Variants in PICK1 observed in about 807,000 individuals in gnomAD.
PICK1 encodes the protein protein interacting with PRKCA 1, also known as PRKCA-binding protein.
Under a neutral mutation model 48.9 loss-of-function variants are expected in PICK1, and 23 were observed. The observed-to-expected ratio is 0.47, with a 90% CI of 0.34 to 0.67. The LOEUF is 0.67. Among genes scored for constraint, PICK1 ranks in the 30% least tolerant of loss-of-function variants. The probability of loss-of-function intolerance (pLI) is 0.01; values close to 1 mark genes in which losing one functional copy is unlikely to be tolerated. For synonymous variants in PICK1, 217 were observed against 228.2 expected, an observed-to-expected ratio of 0.95 and a Z score of 0.44; for missense variants, 423 against 557.1, an observed-to-expected ratio of 0.76 and a Z score of 2.42.
At chr22:38,060,639 C>T (rs1247998817) in intron 3 of PICK1, among the ~76,000 whole-genome samples, 1 of 152,196 alleles carries the variant, frequency 6.6e-6, no homozygotes, top group Non-Finnish European at 1.5e-5. Context: ...CAAGACCTCC[C>T]CCAGGCCTGG....
intron 2 of PICK1, among the ~76,000 whole-genome samples, chr22:38,058,807 C>G (rs1218010566): frequency 6.6e-6 from 1 of 152,070 alleles, no homozygotes; most frequent in Non-Finnish European, 1.5e-5. Flanking sequence ...GAGTTCAAGA[C>G]CAGCCTGGCC....
Position 38,075,140 on chromosome 22 carries a change from G to C in PICK1, c.*8G>C. 1 of 1,605,784 alleles carries C rather than the reference G, an allele frequency of 6.2e-7. No homozygotes were observed. Among genetic ancestry groups the C allele is most frequent in the Non-Finnish European group, 8.5e-7 (1 of 1,175,890 alleles). ...AGCTGGTGTGACTCCTGAGTGCCCC[G>C]CGGCTGTGGTGCCGGGGGCAGGGTG... On this transcript the variant is annotated 3_prime_UTR_variant, in exon 13 of 13. Coordinates refer to ENST00000356976, the MANE Select transcript of PICK1 (RefSeq NM_012407.4).
intron 2 of PICK1, among the ~76,000 whole-genome samples, chr22:38,058,808 C>T (rs757854732): frequency 1.3e-5 from 2 of 152,224 alleles, no homozygotes; most frequent in South Asian, 4.1e-4. Flanking sequence ...AGTTCAAGAC[C>T]AGCCTGGCCA....
chr22:38,057,728 A>G (rs1165615234), intron 1 of PICK1, 25 bp from the exon 2 acceptor site: 28 of 1,302,026 alleles, frequency 2.2e-5, no homozygotes, highest in Admixed American at 3.4e-5. Context: ...CTTAAATCCT[A>G]TGCTCCTTTC....
chr22:38,075,101 T>G lies in PICK1; in HGVS notation c.1217T>G (p.Leu406Trp). The G allele has an allele frequency of 6.2e-7, 1 of 1,612,062 alleles. No homozygotes were observed. Among genetic ancestry groups the G allele is most frequent in the Non-Finnish European group, 8.5e-7 (1 of 1,179,802 alleles). Residue 406 changes from leucine to tryptophan, a missense_variant, in exon 13 of 13, where the codon TTG becomes TGG. Leu to Trp is a moderately conservative substitution (Grantham distance 61, BLOSUM62 -2). This residue lies in a region of PICK1 where 144 missense variants were observed against 139.3 expected (regional missense o/e 1.03). Coordinates refer to ENST00000356976, the MANE Select transcript of PICK1 (RefSeq NM_012407.4). ...GATACACGAGGGGCTGCTGGGCCCTTGGACAAGGGTGGAAGCTGGTGTGAC... is the reference window on the plus strand; with the variant it reads ...GATACACGAGGGGCTGCTGGGCCCTGGGACAAGGGTGGAAGCTGGTGTGAC... ...SRDTRGAAGP[L>W]DKGGSWCDS is the part of the protein sequence containing the mutation.
intron 3 of PICK1, among the ~76,000 whole-genome samples, chr22:38,059,636 C>G: frequency 6.6e-6 from 1 of 152,196 alleles, no homozygotes; most frequent in East Asian, 1.9e-4. Flanking sequence ...GCAGTAAGCA[C>G]CAGGTACAGT....
chr22:38,061,210 G>A (rs61358878), intron 3 of PICK1, among the ~76,000 whole-genome samples: 10 of 151,956 alleles, frequency 6.6e-5, no homozygotes, highest in Admixed American at 1.3e-4. Flanking sequence ...GCATGATGGC[G>A]GGTTCCTGTA....
In PICK1 at chr22:38,073,150, C is replaced by G; in HGVS notation, c.783+58C>G. 8.8e-7 allele frequency: 1 copy of G among 1,130,884 alleles called. No homozygotes were observed. Among genetic ancestry groups the G allele is most frequent in the Non-Finnish European group, 1.4e-6 (1 of 739,720 alleles). The allele number at this position is 1,130,884 out of a possible 1,614,324, so 70.1% of individuals were successfully genotyped here. A position where few individuals can be genotyped will look rare whatever the true frequency, so the allele number is the denominator to read the frequency against. ...AAGCGCCCACCCTGGAGATCTGCCC[C>G]ACTTCAGTCAGCCATGCTGCGGCCA... On this transcript the variant is annotated intron_variant, in intron 10 of 12. Transcript: ENST00000356976. The surrounding 1 kb of genome is among the most constrained non-coding windows in gnomAD (Gnocchi z 5.7).
intron 8 of PICK1, 178 bp downstream of exon 8, chr22:38,071,922 C>T: frequency 1.5e-6 from 1 of 674,958 alleles, no homozygotes; most frequent in East Asian, 2.7e-5. Context: ...CAGCTGGTCT[C>T]TTAAGGGCCG....
chr22:38,074,578 C>A lies in PICK1; in HGVS notation c.979+127C>A. The A allele has an allele frequency of 7.4e-7, 1 of 1,350,286 alleles. No individual in the cohort carries two copies. Among genetic ancestry groups the A allele is most frequent in the Non-Finnish European group, 1.0e-6 (1 of 965,626 alleles). The allele number at this position is 1,350,286 out of a possible 1,614,324, so 83.6% of individuals were successfully genotyped here. On this transcript the variant is annotated intron_variant, in intron 12 of 12. Coordinates refer to ENST00000356976, the MANE Select transcript of PICK1 (RefSeq NM_012407.4). The surrounding 1 kb of genome is among the most constrained non-coding windows in gnomAD (Gnocchi z 4.5). ...CCCCTCCAGGAGCCCAGCCATCTGCCCAGAGCCTGGCCTGGGTGGAGCTGG... is the reference window on the plus strand; with the variant it reads ...CCCCTCCAGGAGCCCAGCCATCTGCACAGAGCCTGGCCTGGGTGGAGCTGG...
chr22:38,069,202 C>A, intron 6 of PICK1, 80 bp downstream of exon 6: 1 of 1,044,572 alleles, frequency 9.6e-7, no homozygotes, highest in Non-Finnish European at 1.5e-6. Flanking sequence ...TGGCTGCCCA[C>A]CAAGCTGCTG....
intron 2 of PICK1, chr22:38,058,153 A>G (rs1432855133): frequency 2.2e-6 from 1 of 464,708 alleles, no homozygotes; most frequent in Non-Finnish European, 4.0e-6. Context: ...GGACGTAGCA[A>G]TTGAACCAGG....
intron 3 of PICK1, among the ~76,000 whole-genome samples, chr22:38,063,215 G>A (rs886830054): frequency 6.6e-6 from 1 of 151,566 alleles, no homozygotes; most frequent in East Asian, 1.9e-4. Context: ...GGAGTGCAGG[G>A]GTGCGATCAT....
Position 38,057,606 on chromosome 22 carries a change from G to GCCC in PICK1, c.-58+23_-58+25dup, listed in dbSNP as rs1275206354. ...GTACCTAGTAAGAATCACCTACCCA[G>GCCC]CCCCCCACCCGGAGACTGTCCCATC... On this transcript the variant is annotated intron_variant, in intron 1 of 12. Coordinates refer to ENST00000356976, the MANE Select transcript of PICK1 (RefSeq NM_012407.4). The GCCC allele has an allele frequency of 6.6e-6, 4 of 608,208 alleles. No homozygotes were observed. The African/African-American group carries it at 7.6e-5, about 12-fold the overall frequency. 37.7% of individuals were successfully genotyped at this position (608,208 alleles called of 1,614,324 possible).
At chr22:38,070,249 C>T (rs1216755540) in intron 6 of PICK1, among the ~76,000 whole-genome samples, 1 of 152,246 alleles carries the variant, frequency 6.6e-6, no homozygotes, top group Non-Finnish European at 1.5e-5. Context: ...CAGCCCTCAC[C>T]ATCACACTGC....
rs1601944697 is a variant in PICK1, at chr22:38,065,199, A to C, written c.282+69A>C. On this transcript the variant is annotated intron_variant, in intron 4 of 12. Transcript: ENST00000356976. ...GTTTCTGAGACCTCCAGGCTGCCAG[A>C]GGTCCCAGCAGGCCTGGAAGGGGGT... 4.6e-6 allele frequency: 7 copies of C among 1,518,398 alleles called. No individual in the cohort carries two copies. In the East Asian group the frequency reaches 1.7e-4, roughly 37 times the overall value. The allele number at this position is 1,518,398 out of a possible 1,614,324, so 94.1% of individuals were successfully genotyped here.
chr22:38,074,118 T>C lies in PICK1; in HGVS notation c.835-189T>C, dbSNP rs1387540942. ...CTGTCGGGATCCATTTCGTGGCCAGTGTTCATTGAATGTGGCAGAGGTTTG... is the reference window on the plus strand; with the variant it reads ...CTGTCGGGATCCATTTCGTGGCCAGCGTTCATTGAATGTGGCAGAGGTTTG... On this transcript the variant is annotated intron_variant, in intron 11 of 12. Transcript: ENST00000356976. The surrounding 1 kb of genome is among the most constrained non-coding windows in gnomAD (Gnocchi z 4.5). The C allele has an allele frequency of 1.5e-6, 1 of 675,118 alleles. No individual in the cohort carries two copies. The highest frequency in any genetic ancestry group is 1.8e-5 in the African/African-American group (1 of 55,376). The allele number at this position is 675,118 out of a possible 1,614,324, so 41.8% of individuals were successfully genotyped here.
intron 8 of PICK1, 152 bp downstream of exon 8, chr22:38,071,896 CG>C (rs2085706019): frequency 4.2e-6 from 3 of 717,654 alleles, no homozygotes; most frequent in Non-Finnish European, 7.6e-6. Context: ...GATGGGCCTG[CG>C]GGGAACATCT....
chr22:38,058,236 C>T (rs2085316678), intron 2 of PICK1: 3 of 297,650 alleles, frequency 1.0e-5, no homozygotes, highest in African/African-American at 4.3e-5. Flanking sequence ...ACAGATTTTC[C>T]CATTAGAATA....
Sources: allele counts gnomAD v4.1 joint callset (sites outside exome capture counted in the v4.1 genomes callset), GRCh38; gene constraint gnomAD v4.1.1; regional missense constraint gnomAD v4.1.1; non-coding constraint Gnocchi (gnomAD v3.1); transcripts MANE v1.5; gene names NCBI Gene and HGNC (gene_info 2026-07-23, HGNC 2026-07-21).